SLC7A14: variants seen among roughly 807,000 people sequenced by gnomAD.
SLC7A14 encodes the protein gamma-aminobutyric acid transporter SLC7A14.
Under a neutral mutation model 60.2 loss-of-function variants are expected in SLC7A14, and 37 were observed. That is an observed-to-expected ratio of 0.61 (90% confidence interval 0.47 to 0.81). SLC7A14 has a LOEUF of 0.81. SLC7A14 is among the 30% of genes least tolerant of loss of function. The probability of loss-of-function intolerance (pLI) is 0.00; values close to 1 mark genes in which losing one functional copy is unlikely to be tolerated. For synonymous variants in SLC7A14, 399 were observed against 395.8 expected (o/e 1.01, Z -0.10); for missense variants, 886 against 982.7 (o/e 0.90, Z 1.32).
intron 1 of SLC7A14, among the ~76,000 whole-genome samples, chr3:170,574,156 C>T (rs1345171831): frequency 6.6e-6 from 1 of 152,168 alleles, no homozygotes; most frequent in Non-Finnish European, 1.5e-5. Context: ...ACTTGCTTCT[C>T]TTTTCAATAT....
chr3:170,568,618 G>A (rs1448652546), intron 1 of SLC7A14, among the ~76,000 whole-genome samples: 3 of 152,128 alleles, frequency 2.0e-5, no homozygotes, highest in Non-Finnish European at 4.4e-5. Flanking sequence ...CCATTTTCAC[G>A]ATATTAATTC....
intron 1 of SLC7A14, among the ~76,000 whole-genome samples, chr3:170,564,090 A>G (rs1714731955): frequency 6.6e-6 from 1 of 152,208 alleles, no homozygotes; most frequent in Non-Finnish European, 1.5e-5. Context: ...CCCATGTGTG[A>G]CAAGTATGGA....
intron 1 of SLC7A14, among the ~76,000 whole-genome samples, chr3:170,543,160 C>T (rs1168443645): frequency 6.6e-6 from 1 of 152,162 alleles, no homozygotes; most frequent in Non-Finnish European, 1.5e-5. Context: ...CAGTCACTCT[C>T]TCAGATCTGA....
chr3:170,469,083 C>A (rs182981869), intron 7 of SLC7A14, among the ~76,000 whole-genome samples: 1 of 152,318 alleles, frequency 6.6e-6, no homozygotes, highest in Admixed American at 6.5e-5. Flanking sequence ...ACACTATGGC[C>A]TAGGCACTGG....
chr3:170,580,821 C>G (rs1244274888), intron 1 of SLC7A14, among the ~76,000 whole-genome samples: 1 of 152,180 alleles, frequency 6.6e-6, no homozygotes, highest in African/African-American at 2.4e-5. Flanking sequence ...GAAGAAACAT[C>G]TGATGGAATA....
intron 1 of SLC7A14, among the ~76,000 whole-genome samples, chr3:170,551,145 A>T (rs754789296): frequency 6.6e-6 from 1 of 152,142 alleles, no homozygotes; most frequent in Admixed American, 6.6e-5. Context: ...CAGTAATATT[A>T]TATGTGGCCT....
chr3:170,467,345 TC>T lies in SLC7A14; in HGVS notation c.2025del (p.Trp675Ter). On this transcript the variant is annotated frameshift_variant, in exon 8 of 8. Transcript: ENST00000231706. LOFTEE classifies it high-confidence loss of function. The stretch of plus-strand genomic sequence containing the variant: ...CGAGCGCTGATTTCCAGGGTGCTGT[TC>T]CAGATGCCATATCCAAAATAAATGA... ...GLLIYFGYGI[W>X]NSTLEISARE... 6.2e-7 allele frequency: 1 copy of T among 1,607,902 alleles called. No homozygotes were observed.
At chr3:170,491,649 C>T (rs1020318899) in intron 4 of SLC7A14, among the ~76,000 whole-genome samples, 1 of 151,890 alleles carries the variant, frequency 6.6e-6, no homozygotes, top group Non-Finnish European at 1.5e-5. Flanking sequence ...CCGGTGGGAG[C>T]TGGAGGTATG....
At chr3:170,539,855 G>A (rs1713963707) in intron 1 of SLC7A14, among the ~76,000 whole-genome samples, 1 of 152,068 alleles carries the variant, frequency 6.6e-6, no homozygotes, top group African/African-American at 2.4e-5. Flanking sequence ...CTATGATAAA[G>A]TTTAATTAAT....
intron 2 of SLC7A14, among the ~76,000 whole-genome samples, chr3:170,502,163 A>T (rs923371295): frequency 6.6e-6 from 1 of 152,214 alleles, no homozygotes; most frequent in Non-Finnish European, 1.5e-5. Flanking sequence ...GACAGTATGA[A>T]GTATTTGGGT....
intron 5 of SLC7A14, among the ~76,000 whole-genome samples, chr3:170,484,510 T>A (rs1341204161): frequency 6.6e-6 from 1 of 152,196 alleles, no homozygotes; most frequent in African/African-American, 2.4e-5. Context: ...CCACCAGTCA[T>A]ATGGCCAGAT....
chr3:170,491,778 A>G (rs1330478028), intron 4 of SLC7A14, among the ~76,000 whole-genome samples: 1 of 152,158 alleles, frequency 6.6e-6, no homozygotes, highest in Non-Finnish European at 1.5e-5. Flanking sequence ...CTGACTTGAT[A>G]GTATTTCCCA....
Position 170,460,442 on chromosome 3 carries a change from C to T in SLC7A14, c.*6613G>A, listed in dbSNP as rs561360323. On this transcript the variant is annotated 3_prime_UTR_variant, in exon 8 of 8. Coordinates refer to ENST00000231706, the MANE Select transcript of SLC7A14 (RefSeq NM_020949.3). ...TTATGCACCATCATAACATTAACAG[C>T]ATCTTTGCTTTGGAAAGTGGGGGTT... 6.6e-6 allele frequency: 1 copy of T among 152,312 alleles called. No individual in the cohort carries two copies. Among genetic ancestry groups the T allele is most frequent in the East Asian group, 1.9e-4 (1 of 5,190 alleles). 9.4% of individuals were successfully genotyped at this position (152,312 alleles called of 1,614,324 possible).
Position 170,475,703 on chromosome 3 carries a change from G to C in SLC7A14, c.1993+4586C>G, listed in dbSNP as rs4411884. 6.6e-3 allele frequency among the ~76,000 whole-genome samples: 998 copies of C among 152,024 alleles called. 15 individuals carry two copies. Among genetic ancestry groups the C allele is most frequent in the African/African-American group, 0.023 (963 of 41,460 alleles). On this transcript the variant is annotated intron_variant, in intron 7 of 7. Transcript: ENST00000231706. ...TCTGATTCAGTAGACCTGGGGTGGA[G>C]TTCAAAAATCACATTTCTTTTTTTT...
chr3:170,531,056 C>T (rs1713665917), intron 1 of SLC7A14, among the ~76,000 whole-genome samples: 1 of 152,138 alleles, frequency 6.6e-6, no homozygotes, highest in Admixed American at 6.5e-5. Context: ...TGCCCCATCC[C>T]CAAAATTCTA....
rs11456241 is a variant in SLC7A14 at position 170,472,767 on chromosome 3, C to CAA, written c.1994-5392_1994-5391dup. Among the ~76,000 whole-genome samples the CAA allele has an allele frequency of 7.3e-4, 78 of 107,198 alleles. 1 individual carries two copies. The highest frequency in any genetic ancestry group is 1.6e-3 in the East Asian group (6 of 3,792). The allele number at this position is 107,198 out of a possible 152,430, so 70.3% of individuals were successfully genotyped here. A position where few individuals can be genotyped will look rare whatever the true frequency, so the allele number is the denominator to read the frequency against. On this transcript the variant is annotated intron_variant, in intron 7 of 7. Coordinates refer to ENST00000231706, the MANE Select transcript of SLC7A14 (RefSeq NM_020949.3). Reference sequence around the variant, plus strand: ...GGGTGACAGAGTGAAGACTCCGTCTCAAAAAAAAAAAAAAAGAAAGTCTGT... The same window carrying CAA: ...GGGTGACAGAGTGAAGACTCCGTCTCAAAAAAAAAAAAAAAAAGAAAGTCTGT...
At chr3:170,539,124 A>C (rs1216169464) in intron 1 of SLC7A14, among the ~76,000 whole-genome samples, 2 of 151,166 alleles carry the variant, frequency 1.3e-5, no homozygotes, top group African/African-American at 4.9e-5. Flanking sequence ...CCAGGGCCCT[A>C]CATAATCTGA....
chr3:170,516,356 G>A (rs1713158391), intron 2 of SLC7A14, among the ~76,000 whole-genome samples: 1 of 152,088 alleles, frequency 6.6e-6, no homozygotes, highest in Admixed American at 6.6e-5. Context: ...ATAGGGTGAG[G>A]TACAGGGTCT....
At position 170,481,293 on chromosome 3, in the gene SLC7A14, ATTTAC is replaced by A. The variant is rs201384594; in HGVS notation, c.1116-132_1116-128del. 2,887 of 973,996 alleles carry A rather than the reference ATTTAC, an allele frequency of 3.0e-3. 56 individuals are homozygous for A. In the African/African-American group the frequency reaches 0.041, roughly 14 times the overall value. The allele number at this position is 973,996 out of a possible 1,614,324, so 60.3% of individuals were successfully genotyped here. ...AACTCCTCCTGGTCCTGCTCCACCAATTTACTTCTGCATTCACTACTTTAAATCCA... is the reference window on the plus strand; with the variant it reads ...AACTCCTCCTGGTCCTGCTCCACCAATTCTGCATTCACTACTTTAAATCCA... On this transcript the variant is annotated intron_variant, in intron 6 of 7. Transcript: ENST00000231706.
Sources: allele counts gnomAD v4.1 joint callset (sites outside exome capture counted in the v4.1 genomes callset), GRCh38; gene constraint gnomAD v4.1.1; transcripts MANE v1.5; gene names NCBI Gene and HGNC (gene_info 2026-07-23, HGNC 2026-07-21).